BANP: variants seen among roughly 807,000 people sequenced by gnomAD.
BANP encodes the protein protein BANP.
Under a neutral mutation model 68.1 loss-of-function variants are expected in BANP, and 11 were observed. The ratio of observed to expected loss-of-function variants is 0.16; its 90% CI spans 0.10 to 0.27. The LOEUF is 0.27. BANP is among the 10% of genes least tolerant of loss of function. The pLI, the probability that BANP is intolerant of heterozygous loss-of-function variation, is 1.00. For synonymous variants in BANP, 329 were observed against 303.2 expected, an observed-to-expected ratio of 1.09 and a Z score of -0.88; for missense variants, 504 against 722.7, an observed-to-expected ratio of 0.70 and a Z score of 3.47.
rs1387315817 is a variant in BANP, at chr16:88,036,365, G to A, written c.1272+971G>A. ...ACTCATGGAGATGTTGGCGTGCGAG[G>A]CCTCCTGGGAGCTCATGCTGGGTGC... On this transcript the variant is annotated intron_variant, in intron 10 of 13. Coordinates refer to ENST00000682872, the MANE Select transcript of BANP (RefSeq NM_001386991.1). This position sits in a 1 kb window ranked among gnomAD's most constrained non-coding sequence, Gnocchi z 4.2. 6.6e-6 allele frequency among the ~76,000 whole-genome samples: 1 copy of A among 152,206 alleles called. No homozygotes were observed. The highest frequency in any genetic ancestry group is 2.4e-5 in the African/African-American group (1 of 41,456).
chr16:88,076,583 T>G lies in BANP; in HGVS notation c.1522-7T>G, dbSNP rs753090820. 2.5e-6 allele frequency: 4 copies of G among 1,612,440 alleles called. No individual in the cohort carries two copies. Among genetic ancestry groups the G allele is most frequent in the Non-Finnish European group, 3.4e-6 (4 of 1,179,598 alleles). ...TCTAGAAAGTCCCTCCTTTCTCCCTTTTGCAGACGGCCGAAGCCCTGCAGC... is the reference window on the plus strand; with the variant it reads ...TCTAGAAAGTCCCTCCTTTCTCCCTGTTGCAGACGGCCGAAGCCCTGCAGC... On this transcript the variant is annotated splice_polypyrimidine_tract_variant and splice_region_variant and intron_variant, in intron 13 of 13. Transcript: ENST00000682872.
At chr16:88,032,023 C>T (rs1189006024) in intron 8 of BANP, among the ~76,000 whole-genome samples, 2 of 151,376 alleles carry the variant, frequency 1.3e-5, no homozygotes, top group South Asian at 2.1e-4. Context: ...AGGCTGGTCT[C>T]GAACTCCTGA....
chr16:87,978,290 C>T (rs1260003522), intron 2 of BANP: 2 of 194,438 alleles, frequency 1.0e-5, no homozygotes, highest in Non-Finnish European at 2.2e-5. Flanking sequence ...GGAGTCATTA[C>T]TGGAGTTACT....
At chr16:87,978,587 T>C (rs1480150731) in intron 2 of BANP, 2 of 469,490 alleles carry the variant, frequency 4.3e-6, no homozygotes, top group Non-Finnish European at 4.4e-6. Flanking sequence ...GTGGAGATGG[T>C]TGATGCGCTC....
At chr16:88,055,768 C>A (rs181644370) in intron 11 of BANP, among the ~76,000 whole-genome samples, 52 of 152,194 alleles carry the variant, frequency 3.4e-4, no homozygotes, top group Admixed American at 1.3e-4. Flanking sequence ...TAGACACACA[C>A]CCTATGTCAC....
chr16:88,004,175 G>A lies in BANP; in HGVS notation c.363-120G>A. On this transcript the variant is annotated intron_variant, in intron 4 of 13. Transcript: ENST00000682872. The surrounding 1 kb of genome is among the most constrained non-coding windows in gnomAD (Gnocchi z 7.0). ...AGTGGACTATGTTGAATGACTCTTA[G>A]GCCTCCCCCTCAGTGCGGGTCCCTG... 1 of 704,306 alleles carries A rather than the reference G, an allele frequency of 1.4e-6. No homozygotes were observed. Among genetic ancestry groups the A allele is most frequent in the East Asian group, 2.7e-5 (1 of 36,602 alleles). 43.6% of individuals were successfully genotyped at this position (704,306 alleles called of 1,614,324 possible).
At chr16:88,070,593 G>C (rs943006044) in intron 12 of BANP, among the ~76,000 whole-genome samples, 17 of 152,246 alleles carry the variant, frequency 1.1e-4, no homozygotes, top group Non-Finnish European at 2.4e-4. Context: ...CAAAGGACCA[G>C]GGGGGATGGG....
At chr16:87,954,022 C>T (rs574807452) in intron 1 of BANP, among the ~76,000 whole-genome samples, 8 of 152,174 alleles carry the variant, frequency 5.3e-5, no homozygotes, top group East Asian at 1.9e-4. Context: ...ATTCCTACGC[C>T]GGGGACTCTG....
chr16:87,979,308 A>C (rs1407254599), intron 2 of BANP, among the ~76,000 whole-genome samples: 2 of 152,168 alleles, frequency 1.3e-5, no homozygotes, highest in East Asian at 3.8e-4. Flanking sequence ...GGAGAATCTG[A>C]ATGCCAGCCA....
intron 1 of BANP, chr16:87,966,605 T>G (rs942053346): frequency 6.6e-6 from 1 of 152,216 alleles, no homozygotes; most frequent in Non-Finnish European, 1.5e-5. Context: ...TGGAAGAGGT[T>G]AGGATTCAGG....
rs1161345075 is a variant in BANP at position 88,036,123 on chromosome 16, C to T, written c.1272+729C>T. Among the ~76,000 whole-genome samples the T allele has an allele frequency of 6.6e-6, 1 of 152,220 alleles. No individual in the cohort carries two copies. The highest frequency in any genetic ancestry group is 1.5e-5 in the Non-Finnish European group (1 of 68,044). On this transcript the variant is annotated intron_variant, in intron 10 of 13. Coordinates refer to ENST00000682872, the MANE Select transcript of BANP (RefSeq NM_001386991.1). This position sits in a 1 kb window ranked among gnomAD's most constrained non-coding sequence, Gnocchi z 4.2. Reference sequence around the variant, plus strand: ...CGACTCTGGGCTGTTTCCTGCAGCACAGGCAGCAGCAGGCACAGGGCACTA... The same window carrying T: ...CGACTCTGGGCTGTTTCCTGCAGCATAGGCAGCAGCAGGCACAGGGCACTA...
At chr16:88,072,326 C>T (rs958923465) in intron 13 of BANP, 114 bp downstream of exon 13, 63 of 1,234,274 alleles carry the variant, frequency 5.1e-5, no homozygotes, top group Non-Finnish European at 5.7e-5. Context: ...GCAGAGGGCA[C>T]GTGATTGGAC....
intron 11 of BANP, among the ~76,000 whole-genome samples, chr16:88,059,600 G>A (rs931375451): frequency 3.3e-5 from 5 of 152,046 alleles, no homozygotes; most frequent in Non-Finnish European, 7.4e-5. Flanking sequence ...CCATCACCTC[G>A]TCTCGGCCCC....
At chr16:88,001,225 C>T (rs1343240404) in intron 4 of BANP, among the ~76,000 whole-genome samples, 1 of 110,780 alleles carries the variant, frequency 9.0e-6, no homozygotes, top group Non-Finnish European at 1.7e-5. Flanking sequence ...CACCCAGACA[C>T]GTCTCCATGC....
intron 8 of BANP, among the ~76,000 whole-genome samples, chr16:88,031,736 T>C (rs1182022798): frequency 6.6e-6 from 1 of 151,958 alleles, no homozygotes; most frequent in Non-Finnish European, 1.5e-5. Flanking sequence ...ATTTAATACC[T>C]ACCATTAGCT....
rs1054592105 is a variant in BANP, at chr16:88,036,241, T to C, written c.1272+847T>C. On this transcript the variant is annotated intron_variant, in intron 10 of 13. Transcript: ENST00000682872. This position sits in a 1 kb window ranked among gnomAD's most constrained non-coding sequence, Gnocchi z 4.2. ...TAGGTCGTGACAATGGCACCAGCTT[T>C]GTGTTTGGTGCATAGTAGTGTGTCG... Among the ~76,000 whole-genome samples, 1 of 152,164 alleles carries C rather than the reference T, an allele frequency of 6.6e-6. No individual in the cohort carries two copies. The highest frequency in any genetic ancestry group is 1.5e-5 in the Non-Finnish European group (1 of 68,032).
At chr16:88,043,137 T>C (rs1225199962) in intron 11 of BANP, among the ~76,000 whole-genome samples, 1 of 152,164 alleles carries the variant, frequency 6.6e-6, no homozygotes, top group Non-Finnish European at 1.5e-5. Context: ...CCTCCTCGCC[T>C]CTTGCCCTCC....
intron 8 of BANP, among the ~76,000 whole-genome samples, chr16:88,030,876 G>C (rs1190377913): frequency 3.3e-5 from 5 of 152,212 alleles, no homozygotes; most frequent in Admixed American, 3.3e-4. Context: ...GCAGTGGGCT[G>C]GAAACCGTTG....
chr16:88,026,881 A>G lies in BANP; in HGVS notation c.896-602A>G, dbSNP rs150577296. On this transcript the variant is annotated intron_variant, in intron 7 of 13. Transcript: ENST00000682872. ...TGTGAGGGGGACAGAGTAACAATAC[A>G]CACATGAATTCTCCAAATGCCGGAA... Among the ~76,000 whole-genome samples, 1,103 of 152,356 alleles carry G rather than the reference A, an allele frequency of 7.2e-3. 4 individuals carry two copies. The highest frequency in any genetic ancestry group is 0.012 in the Non-Finnish European group (785 of 68,030).
Sources: gnomAD v4.1 joint callset for allele counts (sites outside exome capture counted in the v4.1 genomes callset) on GRCh38, gnomAD v4.1.1 for gene constraint, Gnocchi (gnomAD v3.1) non-coding constraint, MANE v1.5 for transcripts, NCBI Gene and HGNC (gene_info 2026-07-23, HGNC 2026-07-21) for gene names.